The following RGSL1 variants were observed in gnomAD, a reference collection of about 807,000 sequenced individuals.
The protein encoded by RGSL1 is regulator of G protein signaling like 1, also known as regulator of G protein signaling protein-like.
In RGSL1, 97 loss-of-function variants were observed where a neutral mutation model predicts 124.7. The ratio of observed to expected loss-of-function variants is 0.78; its 90% CI spans 0.66 to 0.92. RGSL1 has a LOEUF of 0.92. RGSL1 is among the 40% of genes least tolerant of loss of function. RGSL1 has a pLI of 0.00. For missense variants in RGSL1, 1,233 were observed against 1,288.4 expected, an observed-to-expected ratio of 0.96 and a Z score of 0.66; for synonymous variants, 424 against 438.1, an observed-to-expected ratio of 0.97 and a Z score of 0.40.
chr1:182,473,569 T>C lies in RGSL1; in HGVS notation c.464-6T>C, dbSNP rs774211894. On this transcript the variant is annotated splice_polypyrimidine_tract_variant and splice_region_variant and intron_variant, in intron 5 of 21. Coordinates refer to ENST00000294854, the MANE Select transcript of RGSL1 (RefSeq NM_001137669.2). Reference sequence around the variant, plus strand: ...TTCACCCATGATTTCTCTGTATTATTTCCAGAGTCCCTCCTGAACCTCTCC... The same window carrying C: ...TTCACCCATGATTTCTCTGTATTATCTCCAGAGTCCCTCCTGAACCTCTCC... 24 of 1,522,358 alleles carry C rather than the reference T, an allele frequency of 1.6e-5. No individual in the cohort carries two copies. The highest frequency in any genetic ancestry group is 1.4e-5 in the Non-Finnish European group (16 of 1,133,324). The allele number at this position is 1,522,358 out of a possible 1,614,324, so 94.3% of individuals were successfully genotyped here. A position where few individuals can be genotyped will look rare whatever the true frequency, so the allele number is the denominator to read the frequency against.
rs1345847499 is a variant in RGSL1 at position 182,540,285 on chromosome 1, C to T, written c.2533C>T (p.Pro845Ser). 1.3e-6 allele frequency: 2 copies of T among 1,551,248 alleles called. No homozygotes were observed. Among genetic ancestry groups the T allele is most frequent in the Non-Finnish European group, 8.7e-7 (1 of 1,146,784 alleles). The part of the protein sequence containing the change: ...TAHNTSGRSA[P>S]PSTNVRSADQ... ...ACACAACACATCGGGACGTTCAGCTCCACCCTCCACAAATGTCCGGAGTGC... is the reference window on the plus strand; with the variant it reads ...ACACAACACATCGGGACGTTCAGCTTCACCCTCCACAAATGTCCGGAGTGC... The change falls in exon 15 of 22, where the codon CCA becomes TCA. Residue 845 changes from proline to serine, a missense_variant. Physicochemically the swap from Pro to Ser is moderately conservative, Grantham distance 74 (BLOSUM62 -1). Transcript: ENST00000294854.
At chr1:182,539,017 GCT>G (rs1178861355) in intron 14 of RGSL1, among the ~76,000 whole-genome samples, 1 of 152,190 alleles carries the variant, frequency 6.6e-6, no homozygotes, top group Non-Finnish European at 1.5e-5. Flanking sequence ...AGCTGGAGCT[GCT>G]CATACTGATT....
At chr1:182,525,052 T>C (rs556813430) in intron 10 of RGSL1, among the ~76,000 whole-genome samples, 1 of 152,176 alleles carries the variant, frequency 6.6e-6, no homozygotes, top group South Asian at 2.1e-4. Context: ...CCACACACTT[T>C]AGGGGAGATA....
chr1:182,554,881 C>G (rs12748372), intron 20 of RGSL1, 188 bp downstream of exon 20: 4 of 599,450 alleles, frequency 6.7e-6, no homozygotes, highest in Non-Finnish European at 1.2e-5. Flanking sequence ...GGGGTCCTTT[C>G]TCACCTCCAA....
intron 15 of RGSL1, among the ~76,000 whole-genome samples, chr1:182,545,695 T>G (rs1390191769): frequency 2.0e-5 from 3 of 152,168 alleles, no homozygotes; most frequent in Non-Finnish European, 4.4e-5. Flanking sequence ...GATGGTGGGT[T>G]TTTTGTTTTG....
chr1:182,545,757 C>G (rs1660172386), intron 15 of RGSL1, among the ~76,000 whole-genome samples: 1 of 152,032 alleles, frequency 6.6e-6, no homozygotes, highest in African/African-American at 2.4e-5. Flanking sequence ...ATTTTCCTGG[C>G]CTTTATGGTT....
At chr1:182,487,533 C>T (rs1655182495) in intron 6 of RGSL1, among the ~76,000 whole-genome samples, 1 of 152,220 alleles carries the variant, frequency 6.6e-6, no homozygotes, top group African/African-American at 2.4e-5. Context: ...TGGTGAGCTC[C>T]TACTTATCCT....
intron 9 of RGSL1, among the ~76,000 whole-genome samples, chr1:182,493,961 T>A (rs1482020053): frequency 6.6e-6 from 1 of 152,164 alleles, no homozygotes; most frequent in Non-Finnish European, 1.5e-5. Flanking sequence ...AAAGGCAGGC[T>A]CACATTACTC....
chr1:182,555,955 A>C, intron 20 of RGSL1, 69 bp from the exon 21 acceptor site: 1 of 1,409,940 alleles, frequency 7.1e-7, no homozygotes, highest in Non-Finnish European at 9.8e-7. Context: ...ACAGTGACAA[A>C]CCAACAGAGA....
At chr1:182,498,412 G>A (rs926202424) in intron 9 of RGSL1, among the ~76,000 whole-genome samples, 2 of 152,088 alleles carry the variant, frequency 1.3e-5, no homozygotes, top group African/African-American at 4.8e-5. Context: ...ATGCTTAAAA[G>A]CCAAAATCAA....
intron 19 of RGSL1, 68 bp downstream of exon 19, chr1:182,553,609 G>C (rs879886085): frequency 1.6e-5 from 22 of 1,368,124 alleles, no homozygotes; most frequent in African/African-American, 2.9e-5. Flanking sequence ...AAACCAGCTT[G>C]GCCAATCCCC....
At chr1:182,520,484 C>T (rs904773440) in intron 9 of RGSL1, among the ~76,000 whole-genome samples, 2 of 152,110 alleles carry the variant, frequency 1.3e-5, no homozygotes, top group Non-Finnish European at 2.9e-5. Flanking sequence ...TGTCTTGTGT[C>T]CCATTGTGAC....
At chr1:182,511,866 G>C (rs151266131) in intron 9 of RGSL1, among the ~76,000 whole-genome samples, 6 of 152,310 alleles carry the variant, frequency 3.9e-5, no homozygotes, top group Admixed American at 6.5e-5. Context: ...TTCCAGTCAT[G>C]AGCATGGAGT....
intron 9 of RGSL1, among the ~76,000 whole-genome samples, chr1:182,502,918 C>T (rs1183406702): frequency 6.6e-6 from 1 of 152,168 alleles, no homozygotes; most frequent in East Asian, 1.9e-4. Context: ...TGCCCAACCT[C>T]ATTGATCAGA....
chr1:182,453,714 T>G (rs1652038415), intron 1 of RGSL1, among the ~76,000 whole-genome samples: 1 of 152,186 alleles, frequency 6.6e-6, no homozygotes, highest in Non-Finnish European at 1.5e-5. Context: ...CACTTCGCCT[T>G]CTTCATAAAC....
Position 182,497,076 on chromosome 1 carries a change from T to C in RGSL1, c.1825+3947T>C, listed in dbSNP as rs560192858. On this transcript the variant is annotated intron_variant, in intron 9 of 21. Transcript: ENST00000294854. ...TGGACTAATGTAATATTCTGCAGAG[T>C]AGATGATTTGGGGCCCATTGAATTA... Among the ~76,000 whole-genome samples the C allele has an allele frequency of 8.0e-4, 121 of 152,068 alleles. 1 individual carries two copies. In the Middle Eastern group the frequency reaches 0.034, roughly 43 times the overall value.
chr1:182,508,666 CTATTTGTTTTTTTT>C (rs1308308450), intron 9 of RGSL1, among the ~76,000 whole-genome samples: 1 of 39,802 alleles, frequency 2.5e-5, no homozygotes, highest in African/African-American at 1.0e-4. Context: ...TACCTATTGA[CTATTTGTTTTTTTT>C]TTTTTTTTTT....
chr1:182,483,317 G>A (rs897456206), intron 6 of RGSL1, among the ~76,000 whole-genome samples: 6 of 152,128 alleles, frequency 3.9e-5, no homozygotes, highest in South Asian at 2.1e-4. Context: ...TGGAGGACAG[G>A]TTTGTGGTAT....
intron 4 of RGSL1, among the ~76,000 whole-genome samples, chr1:182,469,020 T>C (rs140591993): frequency 6.6e-6 from 1 of 151,896 alleles, no homozygotes; most frequent in Non-Finnish European, 1.5e-5. Flanking sequence ...GAAAATTAAC[T>C]CAAAATGGAT....
Sources: allele counts gnomAD v4.1 joint callset (sites outside exome capture counted in the v4.1 genomes callset), GRCh38; gene constraint gnomAD v4.1.1; transcripts MANE v1.5; gene names NCBI Gene and HGNC (gene_info 2026-07-23, HGNC 2026-07-21).